The following MYT1L variants were observed in gnomAD, a reference collection of about 807,000 sequenced individuals.
MYT1L encodes myelin transcription factor 1 like.
MYT1L carries 12 observed loss-of-function variants against 126.7 expected under a neutral mutation model. The observed-to-expected ratio is 0.09, with a 90% CI of 0.06 to 0.15. The LOEUF (loss-of-function observed/expected upper bound fraction) is 0.15, where lower values mean the gene tolerates loss of function less well. Ranked by LOEUF, MYT1L falls within the 10% of genes least tolerant of loss-of-function variation. The pLI, the probability that MYT1L is intolerant of heterozygous loss-of-function variation, is 1.00. For synonymous variants in MYT1L, 541 were observed against 604.2 expected (o/e 0.90, Z 1.53); for missense variants, 979 against 1,585.2 (o/e 0.62, Z 6.49).
chr2:1,870,144 C>CTGCATTGAAACTA (rs1393257111), intron 18 of MYT1L, among the ~76,000 whole-genome samples: 1 of 152,162 alleles, frequency 6.6e-6, no homozygotes, highest in Non-Finnish European at 1.5e-5. Flanking sequence ...ATGAGAATTT[C>CTGCATTGAAACTA]TGCATTGAAA....
intron 2 of MYT1L, among the ~76,000 whole-genome samples, chr2:2,218,807 C>A (rs2093768437): frequency 6.6e-6 from 1 of 152,192 alleles, no homozygotes; most frequent in African/African-American, 2.4e-5. Flanking sequence ...CCAGATTCTA[C>A]CCTCTTTTCC....
At chr2:2,288,379 A>G (rs1274819252) in intron 1 of MYT1L, among the ~76,000 whole-genome samples, 1 of 152,244 alleles carries the variant, frequency 6.6e-6, no homozygotes, top group Non-Finnish European at 1.5e-5. Flanking sequence ...AGATCATCAT[A>G]TGCCTAGACA....
chr2:1,813,080 C>T (rs1454493814), intron 21 of MYT1L, among the ~76,000 whole-genome samples: 1 of 152,118 alleles, frequency 6.6e-6, no homozygotes, highest in Non-Finnish European at 1.5e-5. Flanking sequence ...CCATCTTTCC[C>T]CCGCTGAACC....
At chr2:2,097,061 AACC>A (rs2077527447) in intron 3 of MYT1L, among the ~76,000 whole-genome samples, 2 of 152,038 alleles carry the variant, frequency 1.3e-5, no homozygotes, top group Non-Finnish European at 2.9e-5. Flanking sequence ...ATCTCCCTGC[AACC>A]ACAGGGAGCA....
At chr2:1,866,609 G>T (rs968078847) in intron 18 of MYT1L, among the ~76,000 whole-genome samples, 2 of 126,204 alleles carry the variant, frequency 1.6e-5, no homozygotes, top group East Asian at 2.8e-4. Context: ...GAGAGGGAGG[G>T]GGAGAGAGAG....
intron 4 of MYT1L, among the ~76,000 whole-genome samples, chr2:2,031,560 T>G (rs2066259380): frequency 6.9e-6 from 1 of 144,796 alleles, no homozygotes. Context: ...GAGCAGATTC[T>G]AGAAGGAGGG....
At position 2,321,408 on chromosome 2, in the gene MYT1L, C is replaced by T. The variant is rs559104202; in HGVS notation, c.-521+9559G>A. On this transcript the variant is annotated intron_variant, in intron 1 of 24. Coordinates refer to ENST00000647738, the MANE Select transcript of MYT1L (RefSeq NM_001303052.2). ...CAGTCTGGCTAGCATTGTTTCATGG[C>T]GACAATGCTCTGTGCTTTCAGCTTC... is the stretch of plus-strand genomic sequence containing the variant. 5.9e-5 allele frequency among the ~76,000 whole-genome samples: 9 copies of T among 152,186 alleles called. No homozygotes were observed. In the East Asian group the frequency reaches 7.8e-4, roughly 13 times the overall value.
intron 3 of MYT1L, among the ~76,000 whole-genome samples, chr2:2,171,006 T>G (rs2089976855): frequency 6.6e-6 from 1 of 152,204 alleles, no homozygotes; most frequent in Non-Finnish European, 1.5e-5. Flanking sequence ...TGGAGGCCCC[T>G]GGAGACCTTT....
chr2:2,216,311 A>T (rs917762509), intron 2 of MYT1L, among the ~76,000 whole-genome samples: 2 of 152,224 alleles, frequency 1.3e-5, no homozygotes, highest in African/African-American at 4.8e-5. Flanking sequence ...ATACAAGTAC[A>T]TGTTTCGACC....
intron 3 of MYT1L, among the ~76,000 whole-genome samples, chr2:2,066,902 T>G (rs1228150203): frequency 6.6e-6 from 1 of 152,188 alleles, no homozygotes; most frequent in East Asian, 1.9e-4. Context: ...TAACAAAAGG[T>G]GTGTGATGCC....
intron 10 of MYT1L, among the ~76,000 whole-genome samples, chr2:1,921,276 T>C (rs2053542066): frequency 6.6e-6 from 1 of 152,228 alleles, no homozygotes; most frequent in Non-Finnish European, 1.5e-5. Context: ...TGCTTCTTAC[T>C]GAGTTCTAAA....
intron 9 of MYT1L, among the ~76,000 whole-genome samples, chr2:1,937,038 A>G (rs1189680135): frequency 6.6e-6 from 1 of 152,094 alleles, no homozygotes; most frequent in African/African-American, 2.4e-5. Context: ...GAGTGGAAAC[A>G]CCCCGTTAGA....
chr2:2,161,484 T>G (rs1272289601), intron 3 of MYT1L, among the ~76,000 whole-genome samples: 1 of 152,262 alleles, frequency 6.6e-6, no homozygotes, highest in Admixed American at 6.5e-5. Context: ...GAGGCCACTC[T>G]GGGAGCCTGA....
intron 18 of MYT1L, among the ~76,000 whole-genome samples, chr2:1,862,843 CA>C (rs2044876831): frequency 6.6e-6 from 1 of 151,826 alleles, no homozygotes; most frequent in African/African-American, 2.4e-5. Flanking sequence ...GCTGAGTGGA[CA>C]GGGGAGAGGG....
chr2:1,976,401 G>C (rs892022272), intron 8 of MYT1L, among the ~76,000 whole-genome samples: 1 of 152,228 alleles, frequency 6.6e-6, no homozygotes, highest in African/African-American at 2.4e-5. Flanking sequence ...CAGTACTTTG[G>C]GAGGCCGAGG....
chr2:1,802,878 C>T (rs2035090659), intron 22 of MYT1L, among the ~76,000 whole-genome samples: 1 of 152,236 alleles, frequency 6.6e-6, no homozygotes, highest in Non-Finnish European at 1.5e-5. Flanking sequence ...GGCCACACAG[C>T]ACCACAATGG....
At chr2:2,039,508 G>A (rs778330651) in intron 4 of MYT1L, among the ~76,000 whole-genome samples, 7 of 152,184 alleles carry the variant, frequency 4.6e-5, no homozygotes, top group Non-Finnish European at 7.3e-5. Flanking sequence ...CTGACTGTTA[G>A]GGAAGTTTAC....
At chr2:2,301,766 G>T (rs2095789802) in intron 1 of MYT1L, among the ~76,000 whole-genome samples, 1 of 150,524 alleles carries the variant, frequency 6.6e-6, no homozygotes, top group Non-Finnish European at 1.5e-5. Flanking sequence ...GATCAGGGCT[G>T]CAGTGAGCTA....
intron 5 of MYT1L, among the ~76,000 whole-genome samples, chr2:1,996,345 C>A (rs2061838963): frequency 6.6e-6 from 1 of 151,680 alleles, no homozygotes; most frequent in South Asian, 2.1e-4. Context: ...GTGGGCTGTA[C>A]AGAACCGAGT....
Sources: gnomAD v4.1 joint callset for allele counts (sites outside exome capture counted in the v4.1 genomes callset) on GRCh38, gnomAD v4.1.1 for gene constraint, MANE v1.5 for transcripts, NCBI Gene and HGNC (gene_info 2026-07-23, HGNC 2026-07-21) for gene names.